TLN2: variants seen among roughly 807,000 people sequenced by gnomAD.
The protein encoded by TLN2 is talin-2.
TLN2 carries 118 observed loss-of-function variants against 294.7 expected under a neutral mutation model. The observed-to-expected ratio is 0.40, with a 90% CI of 0.34 to 0.47. TLN2 has a LOEUF of 0.47. Among genes scored for constraint, TLN2 ranks in the 20% least tolerant of loss-of-function variants. TLN2 has a pLI of 0.84. For synonymous variants in TLN2, 1,431 were observed against 1,304.5 expected, an observed-to-expected ratio of 1.10 and a Z score of -2.09; for missense variants, 3,083 against 3,282.2, an observed-to-expected ratio of 0.94 and a Z score of 1.48.
At chr15:62,655,254 T>G (rs2053077934) in intron 7 of TLN2, among the ~76,000 whole-genome samples, 1 of 152,194 alleles carries the variant, frequency 6.6e-6, no homozygotes, top group Admixed American at 6.5e-5. Context: ...GATAAGGACT[T>G]AACCCACAAT....
intron 1 of TLN2, among the ~76,000 whole-genome samples, chr15:62,435,503 G>T (rs966272743): frequency 3.3e-5 from 5 of 151,848 alleles, no homozygotes; most frequent in African/African-American, 9.7e-5. Flanking sequence ...TTGTGTTGTT[G>T]TCTTTTTCTT....
chr15:62,694,787 G>T (rs569152804), intron 14 of TLN2, among the ~76,000 whole-genome samples: 1 of 152,184 alleles, frequency 6.6e-6, no homozygotes, highest in Non-Finnish European at 1.5e-5. Context: ...TGCAGCCAGT[G>T]GCGGAGTTAC....
chr15:62,743,290 C>T (rs1425200943), intron 32 of TLN2, among the ~76,000 whole-genome samples: 1 of 151,854 alleles, frequency 6.6e-6, no homozygotes, highest in African/African-American at 2.4e-5. Context: ...AATGCCACTG[C>T]GGGGACCCAG....
At chr15:62,620,816 CTTTTTTTTTTCTTTCTTTTTCT>C (rs1270699757) in intron 3 of TLN2, among the ~76,000 whole-genome samples, 4 of 133,746 alleles carry the variant, frequency 3.0e-5, no homozygotes, top group African/African-American at 8.4e-5. Context: ...AAACCTGCTT[CTTTTTTTTTTCTTTCTTTTTCT>C]TTTTTTTTTT....
chr15:62,572,897 C>T lies in TLN2; in HGVS notation c.-237-16790C>T, dbSNP rs868625797. ...CTCCTGCTGCGCTCTTCCTGTCTTG[C>T]CCCCATGGCTCCTCCCAGCCTTGTG... On this transcript the variant is annotated intron_variant, in intron 1 of 58. Coordinates refer to ENST00000636159, the MANE Select transcript of TLN2 (RefSeq NM_015059.3). Among the ~76,000 whole-genome samples, 35 of 152,314 alleles carry T rather than the reference C, an allele frequency of 2.3e-4. 1 individual carries two copies. Among genetic ancestry groups the T allele is most frequent in the South Asian group, 1.0e-3 (5 of 4,826 alleles).
chr15:62,738,062 G>A, intron 29 of TLN2, 152 bp from the exon 30 acceptor site: 1 of 775,160 alleles, frequency 1.3e-6, no homozygotes, highest in Non-Finnish European at 2.1e-6. Flanking sequence ...AAGGGGCCTG[G>A]ATGAGGTGAT....
At chr15:62,553,269 A>T (rs1352523052) in intron 1 of TLN2, among the ~76,000 whole-genome samples, 1 of 152,140 alleles carries the variant, frequency 6.6e-6, no homozygotes, top group Non-Finnish European at 1.5e-5. Flanking sequence ...GCCGAGGCAG[A>T]TGGATCATCT....
intron 1 of TLN2, among the ~76,000 whole-genome samples, chr15:62,563,797 C>A (rs1444014826): frequency 1.3e-5 from 2 of 152,168 alleles, no homozygotes; most frequent in Non-Finnish European, 2.9e-5. Context: ...CTCTGGGAAG[C>A]CTTCTGTGAT....
chr15:62,647,575 T>G (rs1014006627), intron 4 of TLN2, 129 bp downstream of exon 4: 23 of 1,290,052 alleles, frequency 1.8e-5, no homozygotes, highest in African/African-American at 1.5e-4. Context: ...AAATACCTTC[T>G]TAGATCAGAC....
At chr15:62,499,508 C>T (rs1054783198) in intron 1 of TLN2, among the ~76,000 whole-genome samples, 3 of 152,104 alleles carry the variant, frequency 2.0e-5, no homozygotes, top group African/African-American at 7.2e-5. Flanking sequence ...TTTAAGCAAA[C>T]GTATTTTAAA....
chr15:62,785,778 T>C (rs2064603972), intron 45 of TLN2, among the ~76,000 whole-genome samples: 1 of 152,176 alleles, frequency 6.6e-6, no homozygotes, highest in African/African-American at 2.4e-5. Context: ...CCCTGAACTG[T>C]CTGTATAGCC....
chr15:62,830,898 C>T (rs886863602), intron 54 of TLN2: 8 of 151,954 alleles, frequency 5.3e-5, no homozygotes, highest in Admixed American at 1.3e-4. Context: ...GAACTTCTGC[C>T]GTATCTGTTT....
At chr15:62,781,293 T>C (rs760491825) in intron 44 of TLN2, 52 bp downstream of exon 44, 1 of 1,411,354 alleles carries the variant, frequency 7.1e-7, no homozygotes, top group Admixed American at 1.7e-5. Flanking sequence ...TTTTATCCAC[T>C]GCCGCCGCTG....
intron 1 of TLN2, among the ~76,000 whole-genome samples, chr15:62,477,059 C>T (rs1265448622): frequency 6.6e-6 from 1 of 152,196 alleles, no homozygotes; most frequent in African/African-American, 2.4e-5. Flanking sequence ...TTACTATGTA[C>T]CAGCAGCTGA....
intron 11 of TLN2, among the ~76,000 whole-genome samples, chr15:62,680,264 T>C (rs1406541292): frequency 2.0e-5 from 3 of 152,228 alleles, no homozygotes; most frequent in African/African-American, 7.2e-5. Context: ...TTGGAGATAA[T>C]TGACATTTTT....
intron 1 of TLN2, among the ~76,000 whole-genome samples, chr15:62,582,777 T>TA (rs1296925946): frequency 6.6e-6 from 1 of 152,172 alleles, no homozygotes; most frequent in African/African-American, 2.4e-5. Flanking sequence ...GTGACTGTGT[T>TA]ACCTGATTTA....
At chr15:62,421,507 A>C (rs935672989) in intron 1 of TLN2, among the ~76,000 whole-genome samples, 4 of 152,192 alleles carry the variant, frequency 2.6e-5, no homozygotes, top group African/African-American at 9.7e-5. Context: ...AAAAAGAATG[A>C]GATCATGTCC....
chr15:62,784,206 G>A (rs748704678), intron 45 of TLN2: 1 of 406,590 alleles, frequency 2.5e-6, no homozygotes, highest in Non-Finnish European at 4.3e-6. Flanking sequence ...GCCCAAGCTT[G>A]GGACTGCCAT....
chr15:62,494,223 C>G (rs930735553), intron 1 of TLN2, among the ~76,000 whole-genome samples: 1 of 151,982 alleles, frequency 6.6e-6, no homozygotes, highest in Non-Finnish European at 1.5e-5. Flanking sequence ...AGCCTTCACT[C>G]AAGGATGACT....
Sources: gnomAD v4.1 joint callset for allele counts (sites outside exome capture counted in the v4.1 genomes callset) on GRCh38, gnomAD v4.1.1 for gene constraint, MANE v1.5 for transcripts, NCBI Gene and HGNC (gene_info 2026-07-23, HGNC 2026-07-21) for gene names.